The following WDR55 variants were observed in gnomAD, a reference collection of about 807,000 sequenced individuals.
WDR55 encodes the protein WD repeat domain 55.
A neutral mutation model predicts 34.0 loss-of-function variants in WDR55; 31 were observed. The ratio of observed to expected loss-of-function variants is 0.91; its 90% CI spans 0.69 to 1.23. WDR55 has a LOEUF of 1.23. Ranked by LOEUF, WDR55 falls within the 50% of genes most tolerant of loss-of-function variation. The pLI is 0.00. For missense variants in WDR55, 440 were observed against 494.6 expected (o/e 0.89, Z 1.05); for synonymous variants, 164 against 185.9 (o/e 0.88, Z 0.96).
At chr5:140,666,962 T>C (rs532013159) in intron 1 of WDR55, 1 of 985,466 alleles carries the variant, frequency 1.0e-6, no homozygotes, top group Admixed American at 6.1e-5. Flanking sequence ...TTATCAGATT[T>C]ACTTAATGAA....
chr5:140,666,965 T>G (rs1387602618), intron 1 of WDR55: 1 of 985,340 alleles, frequency 1.0e-6, no homozygotes, highest in African/African-American at 1.7e-5. Flanking sequence ...TCAGATTTAC[T>G]TAATGAATTT....
rs770818185 is a variant in WDR55 at position 140,671,307 on chromosome 5, T to C, written c.*1653T>C. On this transcript the variant is annotated 3_prime_UTR_variant, in exon 7 of 7. Coordinates refer to ENST00000358337, the MANE Select transcript of WDR55 (RefSeq NM_017706.5). ...AAAGAATGGAGTCACTGTTTAACCA[T>C]GGTACCTGCCTCAGCCCCAGCAGAC... is the stretch of plus-strand genomic sequence containing the variant. 1.4e-5 allele frequency: 22 copies of C among 1,612,776 alleles called. No individual in the cohort carries two copies. The Middle Eastern group carries it at 5.0e-4, about 37-fold the overall frequency.
intron 1 of WDR55, among the ~76,000 whole-genome samples, chr5:140,665,925 C>T (rs1397440248): frequency 1.3e-5 from 2 of 150,346 alleles, no homozygotes; most frequent in African/African-American, 4.9e-5. Flanking sequence ...CACTTGGATT[C>T]GGGCGGTGGA....
At chr5:140,667,035 C>A in intron 1 of WDR55, 1 of 985,386 alleles carries the variant, frequency 1.0e-6, no homozygotes, top group Non-Finnish European at 1.2e-6. Context: ...GTATTTTCAT[C>A]TTTGAAAGGG....
chr5:140,668,067 C>CAT (rs1031649621), intron 1 of WDR55, 167 bp from the exon 2 acceptor site: 2 of 704,992 alleles, frequency 2.8e-6, no homozygotes, highest in African/African-American at 1.8e-5. Flanking sequence ...CCTAACATTT[C>CAT]AAACTCACTG....
At chr5:140,668,539 G>A (rs1384834954) in intron 3 of WDR55, 37 bp downstream of exon 3, 4 of 1,612,050 alleles carry the variant, frequency 2.5e-6, no homozygotes, top group Non-Finnish European at 3.4e-6. Context: ...TGTGCATGGA[G>A]GTGAAGGGTA....
chr5:140,669,901 G>GTTTT lies in WDR55; in HGVS notation c.*256_*259dup. The GTTTT allele has an allele frequency of 6.3e-6, 2 of 315,206 alleles. No individual in the cohort carries two copies. Among genetic ancestry groups the GTTTT allele is most frequent in the Non-Finnish European group, 1.2e-5 (2 of 172,926 alleles). 19.5% of individuals were successfully genotyped at this position (315,206 alleles called of 1,614,324 possible). A position where few individuals can be genotyped will look rare whatever the true frequency, so the allele number is the denominator to read the frequency against. The stretch of plus-strand genomic sequence containing the variant: ...GCACTACCACACCAGGCCAATTTTT[G>GTTTT]TTTTTTTTTTTTGGTAGAAACGGGT... On this transcript the variant is annotated 3_prime_UTR_variant, in exon 7 of 7. Transcript: ENST00000358337.
chr5:140,667,978 A>G (rs1451877648), intron 1 of WDR55: 1 of 327,040 alleles, frequency 3.1e-6, no homozygotes, highest in East Asian at 5.9e-5. Context: ...TTCAAAGATG[A>G]TAAAGAGGGG....
chr5:140,666,465 CTT>C, intron 1 of WDR55: 1 of 227,722 alleles, frequency 4.4e-6, no homozygotes, highest in Non-Finnish European at 7.3e-6. Context: ...TTTCCCCTCA[CTT>C]TTACCTACTA....
chr5:140,669,211 A>C lies in WDR55; in HGVS notation c.793A>C (p.Ser265Arg). The C allele has an allele frequency of 1.2e-6, 2 of 1,613,654 alleles. No homozygotes were observed. The highest frequency in any genetic ancestry group is 1.7e-6 in the Non-Finnish European group (2 of 1,179,994). Reference protein sequence around the residue: ...SIDCMVPVTESLLCTGSTDGV... With the variant: ...SIDCMVPVTERLLCTGSTDGV... The stretch of plus-strand genomic sequence containing the variant: ...CGACTGCATGGTTCCAGTCACCGAG[A>C]GTCTGCTGTGTACTGGCTCCACTGA... The change falls in exon 6 of 7, where the codon AGT becomes CGT. Residue 265 changes from serine to arginine, a missense_variant. Coordinates refer to ENST00000358337, the MANE Select transcript of WDR55 (RefSeq NM_017706.5).
At position 140,671,966 on chromosome 5, in the gene WDR55, C is replaced by T; in HGVS notation, c.*2312C>T. On this transcript the variant is annotated 3_prime_UTR_variant, in exon 7 of 7. Coordinates refer to ENST00000358337, the MANE Select transcript of WDR55 (RefSeq NM_017706.5). ...CCTTACAAGTTTCCTTGGAGAAGTA[C>T]TGGTTAATTGCAGGCTTTGTCTGCC... 1.6e-6 allele frequency: 1 copy of T among 621,606 alleles called. No individual in the cohort carries two copies. Among genetic ancestry groups the T allele is most frequent in the Admixed American group, 2.8e-5 (1 of 35,332 alleles). The allele number at this position is 621,606 out of a possible 1,614,324, so 38.5% of individuals were successfully genotyped here.
chr5:140,668,001 A>T (rs996811103), intron 1 of WDR55: 1 of 399,640 alleles, frequency 2.5e-6, no homozygotes, highest in African/African-American at 2.0e-5. Context: ...GGGTGGGATC[A>T]CAAAGAAATC....
chr5:140,669,598 G>A lies in WDR55; in HGVS notation c.1096G>A (p.Gly366Arg). ...DDFFAGLREE[G>R]EDSMAQEEKE... ...CTTCTTCGCAGGACTGAGGGAAGAG[G>A]GAGAAGACTCCATGGCTCAGGAAGA... is the stretch of plus-strand genomic sequence containing the variant. Residue 366 changes from glycine to arginine, a missense_variant, in exon 7 of 7, where the codon GGA becomes AGA. Coordinates refer to ENST00000358337, the MANE Select transcript of WDR55 (RefSeq NM_017706.5). 1 of 1,614,120 alleles carries A rather than the reference G, an allele frequency of 6.2e-7. No individual in the cohort carries two copies. Among genetic ancestry groups the A allele is most frequent in the Non-Finnish European group, 8.5e-7 (1 of 1,180,004 alleles).
At position 140,671,781 on chromosome 5, in the gene WDR55, TC is replaced by T; in HGVS notation, c.*2128del. 1 of 1,553,354 alleles carries T rather than the reference TC, an allele frequency of 6.4e-7. No homozygotes were observed. Among genetic ancestry groups the T allele is most frequent in the Non-Finnish European group, 8.7e-7 (1 of 1,147,742 alleles). The stretch of plus-strand genomic sequence containing the variant: ...GGAAAAATGCAAAGACAAGGGCAGG[TC>T]TAAACCCTGGGCCCAAGCCTCCAGG... On this transcript the variant is annotated 3_prime_UTR_variant, in exon 7 of 7. Coordinates refer to ENST00000358337, the MANE Select transcript of WDR55 (RefSeq NM_017706.5).
Position 140,671,728 on chromosome 5 carries a change from C to A in WDR55, c.*2074C>A. Reference sequence around the variant, plus strand: ...GCTTGAGCCACTCCACAGCCACCTGCTCTCCACAGAGGTGTGACTGCCCTG... The same window carrying A: ...GCTTGAGCCACTCCACAGCCACCTGATCTCCACAGAGGTGTGACTGCCCTG... On this transcript the variant is annotated 3_prime_UTR_variant, in exon 7 of 7. Coordinates refer to ENST00000358337, the MANE Select transcript of WDR55 (RefSeq NM_017706.5). 6.3e-7 allele frequency: 1 copy of A among 1,577,800 alleles called. No homozygotes were observed. Among genetic ancestry groups the A allele is most frequent in the Non-Finnish European group, 8.6e-7 (1 of 1,161,166 alleles).
Position 140,671,683 on chromosome 5 carries a change from A to C in WDR55, c.*2029A>C. 1 of 1,585,376 alleles carries C rather than the reference A, an allele frequency of 6.3e-7. No individual in the cohort carries two copies. Among genetic ancestry groups the C allele is most frequent in the East Asian group, 2.3e-5 (1 of 43,956 alleles). On this transcript the variant is annotated 3_prime_UTR_variant, in exon 7 of 7. Coordinates refer to ENST00000358337, the MANE Select transcript of WDR55 (RefSeq NM_017706.5). ...AGAAGGGACCCACAAGCTGCTGGCGAAGTCGCTGCTTCAGGTCTGGCTTGA... is the reference window on the plus strand; with the variant it reads ...AGAAGGGACCCACAAGCTGCTGGCGCAGTCGCTGCTTCAGGTCTGGCTTGA...
intron 1 of WDR55, 187 bp from the exon 2 acceptor site, chr5:140,668,047 A>T: frequency 1.7e-6 from 1 of 599,158 alleles, no homozygotes; most frequent in South Asian, 2.7e-5. Flanking sequence ...ATATATTGAA[A>T]AAAGCAGGAC....
At position 140,671,214 on chromosome 5, in the gene WDR55, G is replaced by A; in HGVS notation, c.*1560G>A. 2 of 1,581,494 alleles carry A rather than the reference G, an allele frequency of 1.3e-6. No individual in the cohort carries two copies. Among genetic ancestry groups the A allele is most frequent in the Non-Finnish European group, 1.7e-6 (2 of 1,153,548 alleles). Reference sequence around the variant, plus strand: ...TCCCCACCTTTGGGGGTCAGAAAGTGGCCACCCAGGCCTGCTGGGATGGGG... The same window carrying A: ...TCCCCACCTTTGGGGGTCAGAAAGTAGCCACCCAGGCCTGCTGGGATGGGG... On this transcript the variant is annotated 3_prime_UTR_variant, in exon 7 of 7. Coordinates refer to ENST00000358337, the MANE Select transcript of WDR55 (RefSeq NM_017706.5).
In WDR55 at chr5:140,669,621, A is replaced by G; in HGVS notation, c.1119A>G (p.Glu373=). The G allele has an allele frequency of 6.2e-7, 1 of 1,614,038 alleles. No homozygotes were observed. Among genetic ancestry groups the G allele is most frequent in the East Asian group, 2.2e-5 (1 of 44,890 alleles). Residue 373 remains glutamate, a synonymous_variant, in exon 7 of 7, where the codon GAA becomes GAG. Coordinates refer to ENST00000358337, the MANE Select transcript of WDR55 (RefSeq NM_017706.5). ...AGGGAGAAGACTCCATGGCTCAGGA[A>G]GAAAAGGAGGAGACTGGGGATGACA... ...REEGEDSMAQ[E]EKEETGDDSD
Sources: gnomAD v4.1 joint callset for allele counts (sites outside exome capture counted in the v4.1 genomes callset) on GRCh38, gnomAD v4.1.1 for gene constraint, MANE v1.5 for transcripts, NCBI Gene and HGNC (gene_info 2026-07-23, HGNC 2026-07-21) for gene names.